Variants in ADAMTS20 observed in about 807,000 individuals in gnomAD.
ADAMTS20 encodes A disintegrin and metalloproteinase with thrombospondin motifs 20.
Under a neutral mutation model 260.1 loss-of-function variants are expected in ADAMTS20, and 225 were observed. The observed-to-expected ratio is 0.87, with a 90% CI of 0.78 to 0.97. ADAMTS20 has a LOEUF of 0.97. ADAMTS20 is among the 50% of genes least tolerant of loss of function. The pLI is 0.00. For synonymous variants in ADAMTS20, 802 were observed against 769.5 expected (o/e 1.04, Z -0.70); for missense variants, 2,400 against 2,337.7 (o/e 1.03, Z -0.55).
At chr12:43,456,294 G>A (rs186485463) in intron 11 of ADAMTS20, among the ~76,000 whole-genome samples, 208 of 152,238 alleles carry the variant, frequency 1.4e-3, no homozygotes, top group African/African-American at 4.9e-3. Flanking sequence ...AATTCACAAA[G>A]TAGTTGCCTA....
chr12:43,536,238 C>A (rs1002324979), intron 2 of ADAMTS20, among the ~76,000 whole-genome samples: 1 of 152,078 alleles, frequency 6.6e-6, no homozygotes, highest in Non-Finnish European at 1.5e-5. Flanking sequence ...TAGTAAGTGG[C>A]GGTATCAAGA....
chr12:43,468,630 G>A lies in ADAMTS20; in HGVS notation c.1193C>T (p.Ala398Val). The change falls in exon 8 of 39, where the codon GCT becomes GTT. Residue 398 changes from alanine to valine, a missense_variant. Transcript: ENST00000389420. ...CCCAAGCTCATGGGCTATAGTAAAA[G>A]CAGAAATGAGTCCTTTTTCTTCATT... The part of the protein sequence containing the change: ...FINEEKGLIS[A>V]FTIAHELGHT... 1.2e-6 allele frequency: 2 copies of A among 1,610,604 alleles called. No individual in the cohort carries two copies. The highest frequency in any genetic ancestry group is 1.1e-5 in the South Asian group (1 of 90,658).
chr12:43,515,746 T>A (rs1317803088), intron 3 of ADAMTS20, among the ~76,000 whole-genome samples: 1 of 152,228 alleles, frequency 6.6e-6, no homozygotes, highest in Non-Finnish European at 1.5e-5. Flanking sequence ...GATTATGGAA[T>A]CAGTTTTATT....
At chr12:43,401,907 T>C (rs1010717044) in intron 28 of ADAMTS20, among the ~76,000 whole-genome samples, 2 of 151,916 alleles carry the variant, frequency 1.3e-5, no homozygotes, top group African/African-American at 4.8e-5. Context: ...TTAAGTATAA[T>C]TGCTTTCTCC....
chr12:43,462,774 A>C, intron 11 of ADAMTS20, 121 bp downstream of exon 11: 1 of 705,550 alleles, frequency 1.4e-6, no homozygotes, highest in Admixed American at 2.7e-5. Context: ...CATGGCAATA[A>C]CATTAATTCG....
intron 3 of ADAMTS20, among the ~76,000 whole-genome samples, chr12:43,531,639 G>T (rs545831467): frequency 1.3e-5 from 2 of 152,074 alleles, no homozygotes; most frequent in African/African-American, 4.8e-5. Context: ...ACAGTTGCAG[G>T]CGGGAAGGAA....
At chr12:43,379,230 C>G (rs1160713147) in intron 31 of ADAMTS20, among the ~76,000 whole-genome samples, 1 of 152,106 alleles carries the variant, frequency 6.6e-6, no homozygotes, top group African/African-American at 2.4e-5. Flanking sequence ...TTGTTGCGCT[C>G]AATTAAAAAC....
At chr12:43,433,810 A>G (rs1376108701) in intron 19 of ADAMTS20, 1 of 487,848 alleles carries the variant, frequency 2.0e-6, no homozygotes, top group Non-Finnish European at 4.1e-6. Context: ...CAATTTCCCT[A>G]AAGTTTAATG....
At chr12:43,544,648 C>T (rs1255175528) in intron 2 of ADAMTS20, among the ~76,000 whole-genome samples, 2 of 152,106 alleles carry the variant, frequency 1.3e-5, no homozygotes, top group Non-Finnish European at 1.5e-5. Flanking sequence ...AAAGGACATT[C>T]TATACAGAGA....
intron 3 of ADAMTS20, among the ~76,000 whole-genome samples, chr12:43,516,161 T>C (rs929631440): frequency 6.6e-6 from 1 of 152,142 alleles, no homozygotes; most frequent in Non-Finnish European, 1.5e-5. Flanking sequence ...GTCCTGGTGA[T>C]GGCTCCAACT....
At chr12:43,433,694 GCACACACAAA>G (rs776565660) in intron 19 of ADAMTS20, 8 of 310,044 alleles carry the variant, frequency 2.6e-5, no homozygotes, top group East Asian at 1.1e-4. Context: ...ACACACACAT[GCACACACAAA>G]CACACACACA....
chr12:43,462,492 C>G (rs758852078), intron 11 of ADAMTS20, among the ~76,000 whole-genome samples: 5 of 152,052 alleles, frequency 3.3e-5, no homozygotes, highest in Non-Finnish European at 7.4e-5. Flanking sequence ...TCTAAAGAAG[C>G]CACTTAAAAC....
At chr12:43,416,092 C>T (rs563524878) in intron 28 of ADAMTS20, among the ~76,000 whole-genome samples, 1 of 152,268 alleles carries the variant, frequency 6.6e-6, no homozygotes, top group Admixed American at 6.5e-5. Flanking sequence ...GCCACCCCAC[C>T]CTTGGGTCAA....
At chr12:43,508,420 A>G (rs1398724101) in intron 3 of ADAMTS20, among the ~76,000 whole-genome samples, 1 of 152,164 alleles carries the variant, frequency 6.6e-6, no homozygotes, top group African/African-American at 2.4e-5. Flanking sequence ...AACAAATAAA[A>G]GGAACAAAAC....
At chr12:43,495,731 G>A (rs750761424) in intron 4 of ADAMTS20, among the ~76,000 whole-genome samples, 1 of 152,006 alleles carries the variant, frequency 6.6e-6, no homozygotes, top group Non-Finnish European at 1.5e-5. Context: ...CAGTCCTCTG[G>A]GGGTAAAAGA....
intron 2 of ADAMTS20, among the ~76,000 whole-genome samples, chr12:43,547,758 A>G (rs1488298899): frequency 6.6e-6 from 1 of 152,212 alleles, no homozygotes; most frequent in Non-Finnish European, 1.5e-5. Flanking sequence ...TCAAATGGAT[A>G]TTATAGCCAG....
chr12:43,519,500 A>C (rs1943043032), intron 3 of ADAMTS20, among the ~76,000 whole-genome samples: 1 of 152,140 alleles, frequency 6.6e-6, no homozygotes. Context: ...TTGACACCTC[A>C]TCTTGCAGAG....
chr12:43,358,276 T>G (rs1027193891), intron 37 of ADAMTS20, among the ~76,000 whole-genome samples: 1 of 152,212 alleles, frequency 6.6e-6, no homozygotes, highest in Non-Finnish European at 1.5e-5. Context: ...CACAATTAGT[T>G]GAGTCTAGAA....
At chr12:43,434,962 GA>G (rs1031243138) in intron 18 of ADAMTS20, among the ~76,000 whole-genome samples, 12 of 151,612 alleles carry the variant, frequency 7.9e-5, no homozygotes, top group African/African-American at 2.7e-4. Context: ...TGGAATCATG[GA>G]AAAAAAAGGC....
Sources: gnomAD v4.1 joint callset for allele counts (sites outside exome capture counted in the v4.1 genomes callset) on GRCh38, gnomAD v4.1.1 for gene constraint, MANE v1.5 for transcripts, NCBI Gene and HGNC (gene_info 2026-07-23, HGNC 2026-07-21) for gene names.